PTBP3: variants seen among roughly 807,000 people sequenced by gnomAD.
PTBP3 encodes polypyrimidine tract binding protein 3.
PTBP3 carries 20 observed loss-of-function variants against 58.7 expected under a neutral mutation model. That is an observed-to-expected ratio of 0.34 (90% CI 0.24 to 0.50). The LOEUF (loss-of-function observed/expected upper bound fraction) is 0.50. Among genes scored for constraint, PTBP3 ranks in the 20% least tolerant of loss-of-function variants. PTBP3 has a pLI of 0.98. For missense variants in PTBP3, 509 were observed against 637.2 expected, an observed-to-expected ratio of 0.80 and a Z score of 2.17; for synonymous variants, 185 against 219.8, an observed-to-expected ratio of 0.84 and a Z score of 1.40.
chr9:112,226,508 G>A (rs1217187366), intron 12 of PTBP3, among the ~76,000 whole-genome samples: 2 of 152,040 alleles, frequency 1.3e-5, no homozygotes, highest in African/African-American at 4.8e-5. Context: ...ATACAAAACT[G>A]CCATTTTTTT....
At chr9:112,304,116 G>T (rs1385253745) in intron 1 of PTBP3, among the ~76,000 whole-genome samples, 2 of 150,968 alleles carry the variant, frequency 1.3e-5, no homozygotes, top group African/African-American at 4.9e-5. Flanking sequence ...GCAGTGAGCC[G>T]AGATTACACC....
At chr9:112,343,878 G>A in the PTBP3 span, among the ~76,000 whole-genome samples, 39 of 150,248 alleles carry the variant, frequency 2.6e-4, no homozygotes, top group African/African-American at 8.8e-4. Flanking sequence ...ACATGTTATT[G>A]GCCATTCATT....
At chr9:112,286,609 AT>A (rs1004532429) in intron 2 of PTBP3, among the ~76,000 whole-genome samples, 34 of 152,154 alleles carry the variant, frequency 2.2e-4, no homozygotes, top group African/African-American at 8.2e-4. Flanking sequence ...GTACTGTTGT[AT>A]ATTTTGCTTT....
intron 1 of PTBP3, among the ~76,000 whole-genome samples, chr9:112,312,243 G>A (rs935074451): frequency 6.6e-6 from 1 of 152,048 alleles, no homozygotes; most frequent in Admixed American, 6.6e-5. Context: ...AAAAAGTGGG[G>A]AAGCTAAGGC....
chr9:112,258,946 C>G (rs1311741455), intron 5 of PTBP3, among the ~76,000 whole-genome samples: 3 of 152,168 alleles, frequency 2.0e-5, no homozygotes, highest in Admixed American at 1.3e-4. Context: ...TAACCCTATA[C>G]AGCTTATTTT....
chr9:112,296,515 G>C (rs1400031074), intron 2 of PTBP3, among the ~76,000 whole-genome samples: 2 of 151,946 alleles, frequency 1.3e-5, no homozygotes, highest in Non-Finnish European at 2.9e-5. Flanking sequence ...CTCCTGGTCT[G>C]GAAAAGGAGG....
rs543331483 is a variant in PTBP3 at position 112,264,425 on chromosome 9, T to A, written c.352-1826A>T. On this transcript the variant is annotated intron_variant, in intron 4 of 13. Transcript: ENST00000374257. ...TCAGAATATGACCTAAATTTTACAG[T>A]TGTGACTTTAGTTTAAATCAAGGAA... is the stretch of plus-strand genomic sequence containing the variant. Among the ~76,000 whole-genome samples the A allele has an allele frequency of 3.0e-4, 46 of 152,350 alleles. 1 individual carries two copies. The South Asian group carries it at 9.5e-3, about 32-fold the overall frequency.
intron 7 of PTBP3, among the ~76,000 whole-genome samples, chr9:112,246,701 A>T (rs563458897): frequency 1.1e-4 from 16 of 151,826 alleles, no homozygotes; most frequent in African/African-American, 3.9e-4. Context: ...TCAAAAAAAA[A>T]AAAAGAAAAA....
In PTBP3 at chr9:112,223,372, T is replaced by C; in HGVS notation, c.*479A>G. On this transcript the variant is annotated 3_prime_UTR_variant, in exon 14 of 14. Coordinates refer to ENST00000374257, the MANE Select transcript of PTBP3 (RefSeq NM_001163788.4). Reference sequence around the variant, plus strand: ...ATCTGATGTACTTTATATGTGAATATAATTTCCTACAAGGGTCAGACTTCT... The same window carrying C: ...ATCTGATGTACTTTATATGTGAATACAATTTCCTACAAGGGTCAGACTTCT... 2 of 966,800 alleles carry C rather than the reference T, an allele frequency of 2.1e-6. No individual in the cohort carries two copies. The highest frequency in any genetic ancestry group is 1.8e-5 in the African/African-American group (1 of 56,870). 59.9% of individuals were successfully genotyped at this position (966,800 alleles called of 1,614,324 possible).
At chr9:112,229,807 C>CT (rs1463336853) in intron 10 of PTBP3, among the ~76,000 whole-genome samples, 1 of 152,170 alleles carries the variant, frequency 6.6e-6, no homozygotes, top group African/African-American at 2.4e-5. Flanking sequence ...TCTGATCCTC[C>CT]TGCCTTGGCC....
At position 112,220,443 on chromosome 9, in the gene PTBP3, C is replaced by CT. The variant is rs1834768547; in HGVS notation, c.*3407dup. The stretch of plus-strand genomic sequence containing the variant: ...ATTCATAGGAGCCACTTCTCATCAA[C>CT]TAAAACAGAACCCATGATTATCATA... On this transcript the variant is annotated 3_prime_UTR_variant, in exon 14 of 14. Coordinates refer to ENST00000374257, the MANE Select transcript of PTBP3 (RefSeq NM_001163788.4). 1.2e-5 allele frequency: 14 copies of CT among 1,158,070 alleles called. No homozygotes were observed. In the South Asian group the frequency reaches 2.3e-4, roughly 19 times the overall value. The allele number at this position is 1,158,070 out of a possible 1,614,324, so 71.7% of individuals were successfully genotyped here.
At chr9:112,348,200 G>A in the PTBP3 span, among the ~76,000 whole-genome samples, 1 of 152,236 alleles carries the variant, frequency 6.6e-6, no homozygotes, top group Non-Finnish European at 1.5e-5. Flanking sequence ...GCAGGAGACG[G>A]TGTCCCGTCC....
intron 1 of PTBP3, 122 bp downstream of exon 1, chr9:112,333,348 G>A (rs996950704): frequency 2.5e-6 from 3 of 1,193,776 alleles, no homozygotes; most frequent in South Asian, 2.5e-5. Flanking sequence ...GGCTTGGCCG[G>A]GGCCGCTCCT....
the PTBP3 span, among the ~76,000 whole-genome samples, chr9:112,343,871 T>G: frequency 3.9e-5 from 6 of 152,164 alleles, no homozygotes; most frequent in Admixed American, 3.9e-4. Flanking sequence ...TCATTTCACA[T>G]GTTATTGGCC....
chr9:112,306,807 G>C (rs1222102004), intron 1 of PTBP3, among the ~76,000 whole-genome samples: 2 of 151,926 alleles, frequency 1.3e-5, no homozygotes, highest in African/African-American at 4.8e-5. Context: ...GTAGAGACAG[G>C]GTTTTGCCAT....
chr9:112,335,799 C>T (rs553207933), upstream of PTBP3, among the ~76,000 whole-genome samples: 88 of 147,880 alleles, frequency 6.0e-4, no homozygotes, highest in African/African-American at 2.0e-3. Context: ...GTGGTGCACG[C>T]CTGTAATCCC....
At chr9:112,320,291 A>AAAAAATATATATATATATAT (rs1411646280) in intron 1 of PTBP3, among the ~76,000 whole-genome samples, 60 of 73,478 alleles carry the variant, frequency 8.2e-4, no homozygotes, top group African/African-American at 4.8e-3. Context: ...AAAAAAAAAA[A>AAAAAATATATATATATATAT]ATATATATAT....
intron 1 of PTBP3, among the ~76,000 whole-genome samples, chr9:112,319,796 T>C (rs1390330116): frequency 6.6e-6 from 1 of 152,154 alleles, no homozygotes; most frequent in South Asian, 2.1e-4. Context: ...AGTGGATGAA[T>C]GGATAAACAA....
chr9:112,294,896 T>C (rs780494759), intron 2 of PTBP3, among the ~76,000 whole-genome samples: 7 of 152,164 alleles, frequency 4.6e-5, no homozygotes, highest in East Asian at 1.9e-4. Context: ...CATTCAATAA[T>C]AGCAAAAATA....
Sources: allele counts gnomAD v4.1 joint callset (sites outside exome capture counted in the v4.1 genomes callset), GRCh38; gene constraint gnomAD v4.1.1; transcripts MANE v1.5; gene names NCBI Gene and HGNC (gene_info 2026-07-23, HGNC 2026-07-21).